The following WDR72 variants were observed in gnomAD, a reference collection of about 807,000 sequenced individuals.
WDR72 encodes the protein WD repeat-containing protein 72.
In WDR72, 120 loss-of-function variants were observed where a neutral mutation model predicts 124.2. The ratio of observed to expected loss-of-function variants is 0.97; its 90% confidence interval spans 0.83 to 1.12. The LOEUF is 1.12. Among genes scored for constraint, WDR72 ranks in the 50% most tolerant of loss-of-function variants. WDR72 has a pLI of 0.00. For synonymous variants in WDR72, 452 were observed against 441.7 expected (o/e 1.02, Z -0.29); for missense variants, 1,387 against 1,278.8 (o/e 1.08, Z -1.29).
chr15:53,732,721 A>C (rs377343308), intron 2 of WDR72, among the ~76,000 whole-genome samples: 1 of 152,214 alleles, frequency 6.6e-6, no homozygotes, highest in Non-Finnish European at 1.5e-5. Flanking sequence ...CATATAATTC[A>C]GGATATAAAA....
intron 18 of WDR72, 51 bp downstream of exon 18, chr15:53,597,028 T>C: frequency 6.4e-7 from 1 of 1,567,398 alleles, no homozygotes; most frequent in Non-Finnish European, 8.8e-7. Context: ...GGAGACTATC[T>C]ATAGTAGAAA....
chr15:53,706,375 T>TATATATATATATATATATATATAC (rs2017375250), intron 9 of WDR72, among the ~76,000 whole-genome samples: 2 of 115,812 alleles, frequency 1.7e-5, no homozygotes, highest in Admixed American at 1.6e-4. Flanking sequence ...TATATATATA[T>TATATATATATATATATATATATAC]ATATATATAT....
chr15:53,543,788 G>A (rs1008384751), intron 18 of WDR72, among the ~76,000 whole-genome samples: 10 of 151,984 alleles, frequency 6.6e-5, no homozygotes, highest in East Asian at 5.8e-4. Context: ...TCTAATAGAC[G>A]CAATAAAAAA....
rs372772534 is a variant in WDR72 at position 53,722,682 on chromosome 15, A to G, written c.260+120T>C. The stretch of plus-strand genomic sequence containing the variant: ...AAACTTTCTATATCTAAATGTTCCT[A>G]TATGTGAGAGGCACATGTTGATCAC... On this transcript the variant is annotated intron_variant, in intron 3 of 19. Transcript: ENST00000360509. 3.1e-4 allele frequency: 258 copies of G among 833,966 alleles called. 3 individuals are homozygous for G. The South Asian group carries it at 3.3e-3, about 11-fold the overall frequency. 51.7% of individuals were successfully genotyped at this position (833,966 alleles called of 1,614,324 possible). A position where few individuals can be genotyped will look rare whatever the true frequency, so the allele number is the denominator to read the frequency against.
At chr15:53,538,488 C>T (rs1202566286) in intron 18 of WDR72, among the ~76,000 whole-genome samples, 1 of 152,138 alleles carries the variant, frequency 6.6e-6, no homozygotes, top group African/African-American at 2.4e-5. Flanking sequence ...ATCTAACACA[C>T]AGAAATAGTG....
chr15:53,629,191 C>CAA (rs1566992624), intron 14 of WDR72, among the ~76,000 whole-genome samples: 1 of 135,720 alleles, frequency 7.4e-6, no homozygotes, highest in Non-Finnish European at 1.6e-5. Context: ...AGAGAGACAG[C>CAA]GAGAGAGAGA....
At chr15:53,534,977 C>A (rs1892682113) in intron 18 of WDR72, among the ~76,000 whole-genome samples, 1 of 151,894 alleles carries the variant, frequency 6.6e-6, no homozygotes, top group South Asian at 2.1e-4. Context: ...ATTCTATGTT[C>A]AGCCATCTCA....
intron 18 of WDR72, among the ~76,000 whole-genome samples, chr15:53,544,752 T>C (rs1893356172): frequency 6.7e-6 from 1 of 149,764 alleles, no homozygotes; most frequent in South Asian, 2.1e-4. Context: ...TGACTGTATA[T>C]CTAGAAAACC....
chr15:53,735,750 A>C (rs905411044), intron 1 of WDR72, among the ~76,000 whole-genome samples: 2 of 152,162 alleles, frequency 1.3e-5, no homozygotes, highest in Admixed American at 6.5e-5. Context: ...GCAAACAGAA[A>C]GATTAGTACC....
At chr15:53,696,246 G>A (rs1352259173) in intron 13 of WDR72, among the ~76,000 whole-genome samples, 4 of 152,140 alleles carry the variant, frequency 2.6e-5, no homozygotes, top group African/African-American at 9.7e-5. Context: ...TGAACCCTGT[G>A]GAGAGAATAG....
intron 1 of WDR72, among the ~76,000 whole-genome samples, chr15:53,741,048 T>G (rs931928546): frequency 6.6e-6 from 1 of 152,222 alleles, no homozygotes; most frequent in Non-Finnish European, 1.5e-5. Context: ...CAAATTAAAC[T>G]GACATCAACT....
At chr15:53,547,412 G>A (rs1274685024) in intron 18 of WDR72, among the ~76,000 whole-genome samples, 7 of 152,172 alleles carry the variant, frequency 4.6e-5, no homozygotes, top group African/African-American at 1.7e-4. Flanking sequence ...AATTAGAAGC[G>A]TGAGCCACCG....
At chr15:53,589,358 C>T (rs1190704908) in intron 18 of WDR72, among the ~76,000 whole-genome samples, 2 of 151,994 alleles carry the variant, frequency 1.3e-5, no homozygotes, top group South Asian at 4.2e-4. Flanking sequence ...CGGCTGGTTT[C>T]CCTCCACTGC....
chr15:53,532,329 G>A (rs1892526819), intron 18 of WDR72, among the ~76,000 whole-genome samples: 1 of 152,068 alleles, frequency 6.6e-6, no homozygotes, highest in South Asian at 2.1e-4. Context: ...ATGTCAAAGG[G>A]ATATCTGTAT....
At chr15:53,547,994 C>A (rs1246241658) in intron 18 of WDR72, among the ~76,000 whole-genome samples, 2 of 152,184 alleles carry the variant, frequency 1.3e-5, no homozygotes, top group East Asian at 3.9e-4. Context: ...TTGATGACGT[C>A]TTTGTAATTG....
chr15:53,716,457 G>T, intron 4 of WDR72, 150 bp downstream of exon 4: 1 of 676,068 alleles, frequency 1.5e-6, no homozygotes, highest in Non-Finnish European at 2.7e-6. Context: ...CAAAACAGCA[G>T]ACAATTACTG....
At chr15:53,704,774 C>T (rs1263860250) in intron 11 of WDR72, among the ~76,000 whole-genome samples, 28 of 144,432 alleles carry the variant, frequency 1.9e-4, no homozygotes, top group Non-Finnish European at 4.1e-4. Context: ...CCTCGTGATC[C>T]GCCCGCCTTG....
At chr15:53,692,984 C>G (rs776848503) in intron 13 of WDR72, among the ~76,000 whole-genome samples, 1 of 152,026 alleles carries the variant, frequency 6.6e-6, no homozygotes, top group Admixed American at 6.5e-5. Context: ...AACATGGCTT[C>G]GAGAAAATGA....
intron 1 of WDR72, among the ~76,000 whole-genome samples, chr15:53,749,972 A>G (rs987863178): frequency 1.3e-5 from 2 of 152,234 alleles, no homozygotes; most frequent in East Asian, 1.9e-4. Flanking sequence ...AGCCTCCTCC[A>G]TAAAATGAAA....
Sources: allele counts gnomAD v4.1 joint callset (sites outside exome capture counted in the v4.1 genomes callset), GRCh38; gene constraint gnomAD v4.1.1; transcripts MANE v1.5; gene names NCBI Gene and HGNC (gene_info 2026-07-23, HGNC 2026-07-21).